Variants in VMP1 observed in about 807,000 individuals in gnomAD.
The protein encoded by VMP1 is vacuole membrane protein 1.
VMP1 carries 11 observed loss-of-function variants against 56.0 expected under a neutral mutation model. The observed-to-expected ratio is 0.20, with a 90% CI of 0.12 to 0.32. The LOEUF is 0.32. Ranked by LOEUF, VMP1 falls within the 10% of genes least tolerant of loss-of-function variation. The probability of loss-of-function intolerance (pLI) is 1.00; values close to 1 mark genes in which losing one functional copy is unlikely to be tolerated. For synonymous variants in VMP1, 149 were observed against 165.0 expected (o/e 0.90, Z 0.74); for missense variants, 296 against 490.3 (o/e 0.60, Z 3.74).
chr17:59,808,688 T>C (rs2037933110), intron 7 of VMP1, 108 bp from the exon 8 acceptor site: 9 of 821,788 alleles, frequency 1.1e-5, no homozygotes, highest in Non-Finnish European at 1.7e-5. Flanking sequence ...TCATTCATCT[T>C]ATTAATCAGT....
chr17:59,766,450 A>G (rs1377143395), intron 6 of VMP1, among the ~76,000 whole-genome samples: 1 of 152,090 alleles, frequency 6.6e-6, no homozygotes, highest in Non-Finnish European at 1.5e-5. Flanking sequence ...GTTGCAGTGA[A>G]CCGAGACCCG....
intron 7 of VMP1, among the ~76,000 whole-genome samples, chr17:59,779,895 G>A (rs1018171792): frequency 2.0e-5 from 3 of 152,118 alleles, no homozygotes; most frequent in Non-Finnish European, 4.4e-5. Context: ...TAAAAGCTCA[G>A]TTCCTAAAAC....
intron 7 of VMP1, among the ~76,000 whole-genome samples, chr17:59,798,723 C>T (rs1005331993): frequency 6.6e-6 from 1 of 152,060 alleles, no homozygotes; most frequent in Admixed American, 6.6e-5. Context: ...CCCGTCTCCA[C>T]TAAAAATACA....
chr17:59,719,499 A>G (rs1306996002), intron 1 of VMP1, among the ~76,000 whole-genome samples: 1 of 151,178 alleles, frequency 6.6e-6, no homozygotes, highest in Non-Finnish European at 1.5e-5. Flanking sequence ...TTTTTTTTTT[A>G]AAGAAAGTAT....
intron 10 of VMP1, among the ~76,000 whole-genome samples, chr17:59,827,875 A>AGT (rs1372423497): frequency 2.0e-5 from 3 of 152,024 alleles, no homozygotes; most frequent in African/African-American, 7.2e-5. Flanking sequence ...TCAAGGCTGC[A>AGT]GTGAGTCGTG....
At chr17:59,834,306 A>G (rs1019725678) in intron 10 of VMP1, among the ~76,000 whole-genome samples, 24 of 149,684 alleles carry the variant, frequency 1.6e-4, no homozygotes, top group African/African-American at 5.9e-4. Flanking sequence ...TCTGTTGCCC[A>G]GGGTAGAGTG....
intron 7 of VMP1, among the ~76,000 whole-genome samples, chr17:59,806,011 C>A (rs917046838): frequency 1.6e-4 from 25 of 151,972 alleles, no homozygotes; most frequent in African/African-American, 4.6e-4. Flanking sequence ...ATATTTAATT[C>A]TTGTGCTATA....
chr17:59,786,773 T>C (rs1388119935), intron 7 of VMP1, among the ~76,000 whole-genome samples: 1 of 152,210 alleles, frequency 6.6e-6, no homozygotes, highest in Non-Finnish European at 1.5e-5. Context: ...CAGTAACTGT[T>C]ATGGTTTGTG....
In VMP1 at chr17:59,808,809, G is replaced by A. The variant is rs575741570; in HGVS notation, c.728G>A (p.Arg243Gln). Reference protein sequence around the residue: ...HAESAQDFASRAKLAVQKLVQ... With the variant: ...HAESAQDFASQAKLAVQKLVQ... ...GCCTTTTTACAGGACTTTGCCTCCCGGGCCAAACTGGCAGTTCAAAAACTA... is the reference window on the plus strand; with the variant it reads ...GCCTTTTTACAGGACTTTGCCTCCCAGGCCAAACTGGCAGTTCAAAAACTA... Residue 243 changes from arginine (R) to glutamine (Q), a missense_variant, in exon 8 of 12, where the codon CGG becomes CAG. Around this residue, in one of 4 missense-constraint regions of VMP1, gnomAD observed 126 missense variants for 231.6 expected, o/e 0.54. Coordinates refer to ENST00000262291, the MANE Select transcript of VMP1 (RefSeq NM_030938.5). 2.2e-5 allele frequency: 36 copies of A among 1,613,658 alleles called. No individual in the cohort carries two copies. Among genetic ancestry groups the A allele is most frequent in the East Asian group, 8.9e-5 (4 of 44,848 alleles).
chr17:59,784,100 AGTGT>A (rs536985526), intron 7 of VMP1, among the ~76,000 whole-genome samples: 8,867 of 138,956 alleles, frequency 0.064, 299 homozygotes, highest in Middle Eastern at 0.13. Flanking sequence ...CATCAAAAAG[AGTGT>A]GTGTGTGTGT....
chr17:59,773,912 A>G (rs760052315), intron 7 of VMP1, 27 bp downstream of exon 7: 1 of 1,571,638 alleles, frequency 6.4e-7, no homozygotes. Flanking sequence ...TAGAAAATAG[A>G]ACACTTTACT....
chr17:59,754,483 T>A lies in VMP1; in HGVS notation c.415-10488T>A, dbSNP rs184744500. 9.9e-3 allele frequency among the ~76,000 whole-genome samples: 1,512 copies of A among 152,292 alleles called. 18 individuals carry two copies. The highest frequency in any genetic ancestry group is 0.014 in the Non-Finnish European group (984 of 68,010). ...CCATAAAGTGGAATCATTCTTTTTT[T>A]AAAAAATTGTTAGCCAGCTTCTTCC... is the stretch of plus-strand genomic sequence containing the variant. On this transcript the variant is annotated intron_variant, in intron 5 of 11. Coordinates refer to ENST00000262291, the MANE Select transcript of VMP1 (RefSeq NM_030938.5).
chr17:59,731,599 T>C, intron 2 of VMP1, 77 bp downstream of exon 2: 1 of 1,033,866 alleles, frequency 9.7e-7, no homozygotes, highest in South Asian at 2.1e-5. Flanking sequence ...AATAGAGATA[T>C]ATTACTTCTT....
At chr17:59,733,424 G>T (rs1045354718) in intron 2 of VMP1, among the ~76,000 whole-genome samples, 1 of 152,034 alleles carries the variant, frequency 6.6e-6, no homozygotes, top group Admixed American at 6.6e-5. Flanking sequence ...TGTGCTGGGC[G>T]TGGTGGCTCA....
At chr17:59,757,855 G>GC (rs200529749) in intron 5 of VMP1, among the ~76,000 whole-genome samples, 23,498 of 90,822 alleles carry the variant, frequency 0.26, 2,969 homozygotes, top group East Asian at 0.48. Context: ...ACCTTTATTT[G>GC]CCACTTTTTT....
intron 5 of VMP1, among the ~76,000 whole-genome samples, chr17:59,764,358 T>G (rs1454163895): frequency 6.6e-6 from 1 of 152,158 alleles, no homozygotes; most frequent in African/African-American, 2.4e-5. Flanking sequence ...GGATGGGGCC[T>G]TGTTCCGTTG....
chr17:59,711,345 A>G (rs1204835351), intron 1 of VMP1, among the ~76,000 whole-genome samples: 1 of 151,884 alleles, frequency 6.6e-6, no homozygotes, highest in East Asian at 1.9e-4. Context: ...CGGAGATGAT[A>G]GTTCTAGGTG....
chr17:59,790,418 T>C (rs1479004896), intron 7 of VMP1, among the ~76,000 whole-genome samples: 2 of 152,182 alleles, frequency 1.3e-5, no homozygotes, highest in African/African-American at 4.8e-5. Flanking sequence ...TTTTACTACT[T>C]GTAGTAAAGA....
intron 9 of VMP1, among the ~76,000 whole-genome samples, chr17:59,815,979 A>G (rs1043319925): frequency 6.6e-6 from 1 of 150,590 alleles, no homozygotes; most frequent in Admixed American, 6.6e-5. Context: ...CTCCTCCTCT[A>G]CCCTTTCCTT....
Sources: allele counts gnomAD v4.1 joint callset (sites outside exome capture counted in the v4.1 genomes callset), GRCh38; gene constraint gnomAD v4.1.1; regional missense constraint gnomAD v4.1.1; transcripts MANE v1.5; gene names NCBI Gene and HGNC (gene_info 2026-07-23, HGNC 2026-07-21).